NPAS3: variants seen among roughly 807,000 people sequenced by gnomAD.
The protein encoded by NPAS3 is neuronal PAS domain protein 3.
NPAS3 carries 14 observed loss-of-function variants against 73.1 expected under a neutral mutation model. The ratio of observed to expected loss-of-function variants is 0.19; its 90% CI spans 0.13 to 0.30. The LOEUF is 0.30. Ranked by LOEUF, NPAS3 falls within the 10% of genes least tolerant of loss-of-function variation. NPAS3 has a pLI of 1.00. For synonymous variants in NPAS3, 620 were observed against 541.5 expected, an observed-to-expected ratio of 1.14 and a Z score of -2.01; for missense variants, 1,096 against 1,250.0, an observed-to-expected ratio of 0.88 and a Z score of 1.86.
intron 2 of NPAS3, among the ~76,000 whole-genome samples, chr14:33,091,870 C>T (rs999070403): frequency 6.6e-6 from 1 of 152,042 alleles, no homozygotes; most frequent in African/African-American, 2.4e-5. Context: ...ATGACAAAAA[C>T]CACATGATTA....
chr14:33,000,846 A>G (rs1483946402), intron 1 of NPAS3, among the ~76,000 whole-genome samples: 1 of 152,230 alleles, frequency 6.6e-6, no homozygotes, highest in East Asian at 1.9e-4. Flanking sequence ...CAAAAATATT[A>G]AGGCCAGGAA....
chr14:33,348,722 A>G (rs2044871257), intron 3 of NPAS3, among the ~76,000 whole-genome samples: 1 of 151,370 alleles, frequency 6.6e-6, no homozygotes, highest in South Asian at 2.1e-4. Context: ...AGCCATGCCA[A>G]GGCCTGGAGC....
chr14:33,568,542 A>C (rs929518371), intron 5 of NPAS3, among the ~76,000 whole-genome samples: 1 of 152,192 alleles, frequency 6.6e-6, no homozygotes, highest in Non-Finnish European at 1.5e-5. Flanking sequence ...CTTGGACCCT[A>C]TAAGAATGAT....
chr14:33,109,473 T>A (rs143450064), intron 2 of NPAS3, among the ~76,000 whole-genome samples: 1 of 152,304 alleles, frequency 6.6e-6, no homozygotes, highest in African/African-American at 2.4e-5. Flanking sequence ...TTACATTTCA[T>A]AGAATGAAAT....
At chr14:33,715,502 T>TA (rs1218853567) in intron 6 of NPAS3, among the ~76,000 whole-genome samples, 1 of 152,128 alleles carries the variant, frequency 6.6e-6, no homozygotes, top group African/African-American at 2.4e-5. Context: ...GGGAACAGGA[T>TA]AAACCTGGGA....
At chr14:33,391,359 A>G (rs965467680) in intron 4 of NPAS3, among the ~76,000 whole-genome samples, 2 of 151,848 alleles carry the variant, frequency 1.3e-5, no homozygotes, top group African/African-American at 2.4e-5. Flanking sequence ...ACACCCAGCT[A>G]ATTTTGTATT....
chr14:33,155,713 G>A (rs2044621385), intron 2 of NPAS3, among the ~76,000 whole-genome samples: 1 of 152,206 alleles, frequency 6.6e-6, no homozygotes, highest in Admixed American at 6.5e-5. Flanking sequence ...TAGGTAGGGA[G>A]TGTGGTCTGC....
intron 5 of NPAS3, among the ~76,000 whole-genome samples, chr14:33,609,090 A>T (rs1000172164): frequency 5.9e-5 from 9 of 152,078 alleles, no homozygotes; most frequent in African/African-American, 1.9e-4. Context: ...GTTCAGTTTC[A>T]TTTCGGCACT....
chr14:33,005,342 T>C lies in NPAS3; in HGVS notation c.51-50563T>C, dbSNP rs535762596. Among the ~76,000 whole-genome samples the C allele has an allele frequency of 2.6e-5, 4 of 152,308 alleles. No individual in the cohort carries two copies. The South Asian group carries it at 8.3e-4, about 32-fold the overall frequency. ...TTAGGGTACCACTTACATATATGTG[T>C]TCTGCCTTTGACTGAAAATGTCAGT... On this transcript the variant is annotated intron_variant, in intron 1 of 11. Transcript: ENST00000356141.
intron 2 of NPAS3, among the ~76,000 whole-genome samples, chr14:33,131,908 A>T (rs2043651434): frequency 6.6e-6 from 1 of 152,142 alleles, no homozygotes; most frequent in African/African-American, 2.4e-5. Context: ...AGAAAGTGGG[A>T]CAAGTCATGT....
intron 1 of NPAS3, among the ~76,000 whole-genome samples, chr14:32,967,797 A>T (rs558988604): frequency 0.013 from 2,052 of 152,116 alleles, 51 homozygotes; most frequent in African/African-American, 0.046. Context: ...AAAATAAAAA[A>T]CGGTAGTATC....
At chr14:33,650,874 C>A (rs774052655) in intron 5 of NPAS3, among the ~76,000 whole-genome samples, 14 of 152,170 alleles carry the variant, frequency 9.2e-5, no homozygotes, top group Non-Finnish European at 1.9e-4. Context: ...GGAGCAGGAG[C>A]AGGACCCAGG....
intron 7 of NPAS3, among the ~76,000 whole-genome samples, chr14:33,757,825 G>T (rs2062161986): frequency 6.6e-6 from 1 of 152,220 alleles, no homozygotes; most frequent in South Asian, 2.1e-4. Flanking sequence ...TGAGTAACCA[G>T]TTGGACACTA....
At chr14:33,271,402 A>G (rs1319725234) in intron 3 of NPAS3, among the ~76,000 whole-genome samples, 1 of 152,134 alleles carries the variant, frequency 6.6e-6, no homozygotes, top group Non-Finnish European at 1.5e-5. Context: ...TCTGGTTTCC[A>G]TGACTCACCT....
intron 8 of NPAS3, among the ~76,000 whole-genome samples, chr14:33,777,993 A>T (rs2062873637): frequency 6.6e-6 from 1 of 152,238 alleles, no homozygotes; most frequent in South Asian, 2.1e-4. Flanking sequence ...GCCAATTTGG[A>T]CTTTGTGCCA....
chr14:33,270,772 T>G (rs2041037103), intron 3 of NPAS3, among the ~76,000 whole-genome samples: 1 of 152,194 alleles, frequency 6.6e-6, no homozygotes, highest in African/African-American at 2.4e-5. Context: ...CATGAGTTAT[T>G]TGACAGGCCA....
At chr14:33,797,953 C>A (rs765329163) in intron 11 of NPAS3, among the ~76,000 whole-genome samples, 13 of 151,528 alleles carry the variant, frequency 8.6e-5, no homozygotes, top group Non-Finnish European at 1.5e-4. Flanking sequence ...TTTAAATATA[C>A]AGAAAGAGAT....
chr14:33,040,367 T>C (rs563978110), intron 1 of NPAS3, among the ~76,000 whole-genome samples: 2 of 152,134 alleles, frequency 1.3e-5, no homozygotes, highest in Non-Finnish European at 2.9e-5. Context: ...AGAACTGAAG[T>C]GCTGGGTAGG....
At chr14:33,039,900 T>A (rs2040296575) in intron 1 of NPAS3, among the ~76,000 whole-genome samples, 1 of 152,216 alleles carries the variant, frequency 6.6e-6, no homozygotes, top group Admixed American at 6.5e-5. Context: ...AAGGTATATT[T>A]GTATGTTTCA....
Sources: gnomAD v4.1 joint callset for allele counts (sites outside exome capture counted in the v4.1 genomes callset) on GRCh38, gnomAD v4.1.1 for gene constraint, MANE v1.5 for transcripts, NCBI Gene and HGNC (gene_info 2026-07-23, HGNC 2026-07-21) for gene names.